Variants in KLHL5 observed in about 807,000 individuals in gnomAD.
The protein encoded by KLHL5 is kelch-like protein 5.
Under a neutral mutation model 77.7 loss-of-function variants are expected in KLHL5, and 48 were observed. That is an observed-to-expected ratio of 0.62 (90% CI 0.49 to 0.79). The LOEUF (loss-of-function observed/expected upper bound fraction) is 0.79. Among genes scored for constraint, KLHL5 ranks in the 30% least tolerant of loss-of-function variants. The pLI is 0.00. For synonymous variants in KLHL5, 260 were observed against 297.0 expected, an observed-to-expected ratio of 0.88 and a Z score of 1.28; for missense variants, 723 against 859.7, an observed-to-expected ratio of 0.84 and a Z score of 1.99.
chr4:39,076,257 A>G (rs1409863283), intron 2 of KLHL5, 110 bp downstream of exon 2: 15 of 885,782 alleles, frequency 1.7e-5, no homozygotes, highest in Non-Finnish European at 2.2e-5. Flanking sequence ...GAAGGGGTGT[A>G]GTTCATGGAA....
chr4:39,122,292 G>T lies in KLHL5; in HGVS notation c.*1226G>T, dbSNP rs1371251847. The T allele has an allele frequency of 2.6e-5, 4 of 152,136 alleles. No homozygotes were observed. The highest frequency in any genetic ancestry group is 5.9e-5 in the Non-Finnish European group (4 of 68,024). 9.4% of individuals were successfully genotyped at this position (152,136 alleles called of 1,614,324 possible). ...ATAATATTTGCTAATATTGTTTATTGTGAACTAGGAATCAAAGTTTTTGTA... is the reference window on the plus strand; with the variant it reads ...ATAATATTTGCTAATATTGTTTATTTTGAACTAGGAATCAAAGTTTTTGTA... On this transcript the variant is annotated 3_prime_UTR_variant, in exon 11 of 11. Transcript: ENST00000504108.
chr4:39,109,292 T>A (rs1213403255), intron 8 of KLHL5, among the ~76,000 whole-genome samples: 1 of 152,160 alleles, frequency 6.6e-6, no homozygotes, highest in African/African-American at 2.4e-5. Context: ...TTTAACTTAT[T>A]ACTTATTTAT....
intron 2 of KLHL5, among the ~76,000 whole-genome samples, chr4:39,080,675 A>T (rs921252432): frequency 1.8e-4 from 28 of 152,162 alleles, no homozygotes; most frequent in African/African-American, 6.5e-4. Context: ...ATAATAATAG[A>T]ATATTATAAA....
At chr4:39,130,680 A>G (rs145959109), downstream of KLHL5, among the ~76,000 whole-genome samples, 376 of 152,284 alleles carry the variant, frequency 2.5e-3, 2 homozygotes, top group African/African-American at 8.4e-3. Context: ...ACCAGGCCCC[A>G]TTCCACACAA....
At chr4:39,110,456 A>G (rs1722373282) in intron 8 of KLHL5, among the ~76,000 whole-genome samples, 1 of 152,058 alleles carries the variant, frequency 6.6e-6, no homozygotes, top group African/African-American at 2.4e-5. Context: ...TCTGCCAATT[A>G]CTTGCATTCC....
intron 6 of KLHL5, 26 bp from the exon 7 acceptor site, chr4:39,103,261 C>T (rs766815143): frequency 4.6e-6 from 7 of 1,507,786 alleles, no homozygotes; most frequent in East Asian, 4.8e-5. Context: ...TTTCTATTTA[C>T]ATAACTTCTA....
chr4:39,056,073 A>G (rs1048164047), intron 1 of KLHL5, among the ~76,000 whole-genome samples: 5 of 152,314 alleles, frequency 3.3e-5, no homozygotes, highest in Middle Eastern at 3.4e-3. Context: ...TCAGTCTACC[A>G]TGTGGTTTGT....
chr4:39,100,217 T>C (rs2109495067), intron 6 of KLHL5, among the ~76,000 whole-genome samples: 1 of 152,298 alleles, frequency 6.6e-6, no homozygotes, highest in South Asian at 2.1e-4. Context: ...TCAAGGCTCA[T>C]ACATACAGTG....
At chr4:39,115,396 C>G (rs770797698) in intron 10 of KLHL5, 66 bp downstream of exon 10, 7 of 1,590,134 alleles carry the variant, frequency 4.4e-6, no homozygotes, top group Non-Finnish European at 6.0e-6. Context: ...TATGGTAAAA[C>G]AGATCCCCTC....
chr4:39,138,126 G>C, the KLHL5 span, among the ~76,000 whole-genome samples: 1 of 104,882 alleles, frequency 9.5e-6, no homozygotes, highest in South Asian at 3.0e-4. Flanking sequence ...TTACACACAA[G>C]TGAAAAAGCA....
the KLHL5 span, among the ~76,000 whole-genome samples, chr4:39,132,380 G>A: frequency 6.6e-6 from 1 of 152,100 alleles, no homozygotes; most frequent in African/African-American, 2.4e-5. Flanking sequence ...AAGCTGAGGC[G>A]GGTGAATCAC....
chr4:39,120,294 C>CA (rs1295788072), intron 10 of KLHL5: 2 of 152,080 alleles, frequency 1.3e-5, no homozygotes, highest in African/African-American at 2.4e-5. Flanking sequence ...TCCTATTGTT[C>CA]AAAAAAGAGG....
chr4:39,096,882 T>G lies in KLHL5; in HGVS notation c.1300+4T>G. The G allele has an allele frequency of 1.2e-6, 2 of 1,605,428 alleles. No individual in the cohort carries two copies. Among genetic ancestry groups the G allele is most frequent in the Non-Finnish European group, 1.7e-6 (2 of 1,172,690 alleles). On this transcript the variant is annotated splice_donor_region_variant and intron_variant, in intron 6 of 10. Transcript: ENST00000504108. ...GGGGGAATGGATTCAACAAAAGGTATCAAATAATCTTTTATTTGGGGAGGG... is the reference window on the plus strand; with the variant it reads ...GGGGGAATGGATTCAACAAAAGGTAGCAAATAATCTTTTATTTGGGGAGGG...
At chr4:39,093,536 C>T (rs1269824020) in intron 5 of KLHL5, 1 of 432,182 alleles carries the variant, frequency 2.3e-6, no homozygotes, top group Non-Finnish European at 4.6e-6. Context: ...TTGTCAAATA[C>T]AACCCACAGT....
intron 1 of KLHL5, among the ~76,000 whole-genome samples, chr4:39,073,553 G>T (rs1236361844): frequency 1.5e-5 from 2 of 137,632 alleles, no homozygotes; most frequent in East Asian, 4.3e-4. Context: ...TTCCCCTCAG[G>T]TCACTAATGC....
chr4:39,115,774 T>C (rs1366838734), intron 10 of KLHL5: 1 of 1,066,712 alleles, frequency 9.4e-7, no homozygotes, highest in African/African-American at 1.7e-5. Context: ...CTAATGAAGA[T>C]GGCAACCCTA....
In KLHL5 at chr4:39,062,724, A is replaced by G. The variant is rs758779350; in HGVS notation, c.72A>G (p.Gln24=). ...LKIRWRWFGH[Q]ASSPNSTVDS... ...TCAGATGGAGGTGGTTTGGTCATCA[A>G]GCATCATCTCCTAATTCTACAGTTG... Residue 24 remains glutamine, a synonymous_variant, in exon 1 of 11, where the codon CAA becomes CAG. Transcript: ENST00000504108. 5.6e-6 allele frequency: 9 copies of G among 1,614,066 alleles called. No individual in the cohort carries two copies. The highest frequency in any genetic ancestry group is 5.5e-5 in the South Asian group (5 of 91,094).
At chr4:39,087,097 G>A (rs982362675) in intron 5 of KLHL5, among the ~76,000 whole-genome samples, 3 of 151,748 alleles carry the variant, frequency 2.0e-5, no homozygotes, top group East Asian at 3.9e-4. Flanking sequence ...TTTTAGTAGC[G>A]ATAGGGTTTC....
chr4:39,081,334 C>T lies in KLHL5; in HGVS notation c.703+95C>T. ...TTTTTAGAAAGCATGCCATAGCTAACAGTTAGTTCTGCTATTGTCATTACT... is the reference window on the plus strand; with the variant it reads ...TTTTTAGAAAGCATGCCATAGCTAATAGTTAGTTCTGCTATTGTCATTACT... On this transcript the variant is annotated intron_variant, in intron 3 of 10. Transcript: ENST00000504108. This position sits in a 1 kb window ranked among gnomAD's most constrained non-coding sequence, Gnocchi z 4.3. 4.7e-6 allele frequency: 5 copies of T among 1,056,692 alleles called. No homozygotes were observed. Among genetic ancestry groups the T allele is most frequent in the Middle Eastern group, 2.5e-4 (1 of 4,078 alleles). The allele number at this position is 1,056,692 out of a possible 1,614,324, so 65.5% of individuals were successfully genotyped here. A position where few individuals can be genotyped will look rare whatever the true frequency, so the allele number is the denominator to read the frequency against.
Sources: allele counts gnomAD v4.1 joint callset (sites outside exome capture counted in the v4.1 genomes callset), GRCh38; gene constraint gnomAD v4.1.1; non-coding constraint Gnocchi (gnomAD v3.1); transcripts MANE v1.5; gene names NCBI Gene and HGNC (gene_info 2026-07-23, HGNC 2026-07-21).